Variants in FBXO10 observed in about 807,000 individuals in gnomAD.
FBXO10 encodes F-box protein 10.
A neutral mutation model predicts 80.7 loss-of-function variants in FBXO10; 39 were observed. That is an observed-to-expected ratio of 0.48 (90% confidence interval 0.37 to 0.63). The LOEUF is 0.63. FBXO10 is among the 30% of genes least tolerant of loss of function. FBXO10 has a pLI of 0.00. For synonymous variants in FBXO10, 449 were observed against 489.6 expected, an observed-to-expected ratio of 0.92 and a Z score of 1.09; for missense variants, 1,025 against 1,269.0, an observed-to-expected ratio of 0.81 and a Z score of 2.92.
Position 37,510,961 on chromosome 9 carries a change from T to G in FBXO10, c.*1586A>C, listed in dbSNP as rs1419797272. ...TTGTTACTGTTGGTTCACAGAAAAG[T>G]CATTTCTTAGAAAATAGTAACGGCA... On this transcript the variant is annotated 3_prime_UTR_variant, in exon 11 of 11. Transcript: ENST00000432825. 1 of 152,658 alleles carries G rather than the reference T, an allele frequency of 6.6e-6. No individual in the cohort carries two copies. Among genetic ancestry groups the G allele is most frequent in the Non-Finnish European group, 1.5e-5 (1 of 68,040 alleles). The allele number at this position is 152,658 out of a possible 1,614,324, so 9.5% of individuals were successfully genotyped here.
Position 37,537,672 on chromosome 9 carries a change from G to C in FBXO10, c.857C>G (p.Thr286Arg), listed in dbSNP as rs371960872. 9 of 1,613,926 alleles carry C rather than the reference G, an allele frequency of 5.6e-6. No homozygotes were observed. In the African/African-American group the frequency reaches 1.1e-4, roughly 19 times the overall value. The change falls in exon 3 of 11, where the codon ACA becomes AGA. Residue 286 changes from threonine to arginine, a missense_variant. Thr to Arg is a moderately conservative substitution (Grantham distance 71). Transcript: ENST00000432825. ...GGACATTAAAAAGTCAGAGTCCTCT[G>C]TGGGGAGAAAAGTGGGTGAGGACTT... is the stretch of plus-strand genomic sequence containing the variant. Reference protein sequence around the residue: ...LIKSSPTFLPTEDSDFLMSLD... With the variant: ...LIKSSPTFLPREDSDFLMSLD...
At chr9:37,544,466 C>T (rs925615528) in intron 1 of FBXO10, among the ~76,000 whole-genome samples, 1 of 152,140 alleles carries the variant, frequency 6.6e-6, no homozygotes, top group African/African-American at 2.4e-5. Context: ...AAACAACTGA[C>T]CTTCATCAAA....
In FBXO10 at chr9:37,537,862, C is replaced by T. The variant is rs1283120649; in HGVS notation, c.667G>A (p.Val223Met). The T allele has an allele frequency of 6.2e-7, 1 of 1,613,968 alleles. No homozygotes were observed. Among genetic ancestry groups the T allele is most frequent in the Non-Finnish European group, 8.5e-7 (1 of 1,179,888 alleles). The change falls in exon 3 of 11, where the codon GTG (valine) becomes ATG (methionine). Residue 223 changes from valine (V) to methionine (M), a missense_variant. Coordinates refer to ENST00000432825, the MANE Select transcript of FBXO10 (RefSeq NM_012166.3). Reference protein sequence around the residue: ...IQVHGPGTCQVKFCTFKNTHI... With the variant: ...IQVHGPGTCQMKFCTFKNTHI... Reference sequence around the variant, plus strand: ...GTGTTTTTGAAGGTACAGAACTTCACTTGGCAAGTACCCGGGCCATGGACC... The same window carrying T: ...GTGTTTTTGAAGGTACAGAACTTCATTTGGCAAGTACCCGGGCCATGGACC...
chr9:37,567,882 G>A (rs147721994), intron 1 of FBXO10, among the ~76,000 whole-genome samples: 20 of 152,236 alleles, frequency 1.3e-4, no homozygotes, highest in East Asian at 7.7e-4. Context: ...GGGGAACCCC[G>A]CTTCTACTCT....
chr9:37,529,766 T>C (rs1318025664), intron 4 of FBXO10, among the ~76,000 whole-genome samples: 1 of 151,688 alleles, frequency 6.6e-6, no homozygotes, highest in African/African-American at 2.4e-5. Flanking sequence ...ATGCAGACAC[T>C]GGGGGGCCAA....
At chr9:37,569,888 T>C (rs1396684301) in intron 1 of FBXO10, among the ~76,000 whole-genome samples, 1 of 152,176 alleles carries the variant, frequency 6.6e-6, no homozygotes, top group Non-Finnish European at 1.5e-5. Flanking sequence ...ACAGTCATAA[T>C]TAGTCATAAA....
chr9:37,535,089 C>G (rs552359455), intron 3 of FBXO10, among the ~76,000 whole-genome samples: 1 of 152,148 alleles, frequency 6.6e-6, no homozygotes, highest in Non-Finnish European at 1.5e-5. Context: ...AGATCTGAAG[C>G]GGAGAAAACT....
intron 1 of FBXO10, among the ~76,000 whole-genome samples, chr9:37,548,445 A>G (rs1240675971): frequency 6.6e-6 from 1 of 152,214 alleles, no homozygotes; most frequent in Admixed American, 6.5e-5. Context: ...CTCTGTGCAT[A>G]TCATTGCATG....
In FBXO10 at chr9:37,525,127, A is replaced by G; in HGVS notation, c.1752T>C (p.Asn584=). Residue 584 remains asparagine (N), a synonymous_variant, in exon 6 of 11, where the codon AAT becomes AAC. Transcript: ENST00000432825. ...CTGTGATGAGGCCTTTGCCGTTCTC[A>G]TTCACTGCTATGCCGGCAGCACGGC... ...FKGRAAGIAV[N]ENGKGLITEN... The G allele has an allele frequency of 6.4e-7, 1 of 1,564,594 alleles. No homozygotes were observed. Among genetic ancestry groups the G allele is most frequent in the Non-Finnish European group, 8.7e-7 (1 of 1,154,464 alleles).
intron 1 of FBXO10, among the ~76,000 whole-genome samples, chr9:37,566,264 A>G (rs768212230): frequency 6.6e-6 from 1 of 152,144 alleles, no homozygotes; most frequent in African/African-American, 2.4e-5. Flanking sequence ...AGAGGGCCAT[A>G]CTAGTATCAA....
chr9:37,550,228 G>A (rs1163057182), intron 1 of FBXO10, among the ~76,000 whole-genome samples: 1 of 122,210 alleles, frequency 8.2e-6, no homozygotes, highest in African/African-American at 3.2e-5. Flanking sequence ...TGTTGCTCAG[G>A]CTGGAGTGTA....
Position 37,521,801 on chromosome 9 carries a change from G to T in FBXO10, c.1968C>A (p.Ser656Arg). 6.2e-7 allele frequency: 1 copy of T among 1,603,994 alleles called. No homozygotes were observed. ...KGCGVWMMSS[S>R]LPHVTSNHVS... The stretch of plus-strand genomic sequence containing the variant: ...CGTGGTTGCTGGTGACATGGGGGAG[G>T]CTGGACGACATCATCCACACACCAC... Residue 656 changes from serine to arginine, a missense_variant, in exon 8 of 11, where the codon AGC (serine) becomes AGA (arginine). Coordinates refer to ENST00000432825, the MANE Select transcript of FBXO10 (RefSeq NM_012166.3).
chr9:37,566,550 C>T (rs1301873976), intron 1 of FBXO10, among the ~76,000 whole-genome samples: 1 of 151,716 alleles, frequency 6.6e-6, no homozygotes, highest in Non-Finnish European at 1.5e-5. Flanking sequence ...TCTCTTCCAA[C>T]ATTATGAGGC....
At chr9:37,516,463 G>T (rs111623554) in intron 9 of FBXO10, among the ~76,000 whole-genome samples, 33 of 152,170 alleles carry the variant, frequency 2.2e-4, no homozygotes, top group African/African-American at 7.7e-4. Flanking sequence ...CAGAGGCAAA[G>T]CCCCAGCATT....
In FBXO10 at chr9:37,541,203, A is replaced by T; in HGVS notation, c.566T>A (p.Phe189Tyr). 6.2e-7 allele frequency: 1 copy of T among 1,605,962 alleles called. No homozygotes were observed. The highest frequency in any genetic ancestry group is 8.5e-7 in the Non-Finnish European group (1 of 1,175,972). Residue 189 changes from phenylalanine to tyrosine, a missense_variant, in exon 2 of 11, where the codon TTC (phenylalanine) becomes TAC (tyrosine). Around this residue, in one of 3 missense-constraint regions of FBXO10, gnomAD observed 450 missense variants for 499.4 expected, o/e 0.90. Transcript: ENST00000432825. Reference protein sequence around the residue: ...LCNLVFTPAWFSPIMYKTTSG... With the variant: ...LCNLVFTPAWYSPIMYKTTSG... ...ACCCACCTTATACATGATGGGTGAG[A>T]ACCAGGCTGGCGTGAAGACGAGGTT...
rs1256545563 is a variant in FBXO10 at position 37,511,991 on chromosome 9, GTCCT to G, written c.*552_*555del. 5 of 152,716 alleles carry G rather than the reference GTCCT, an allele frequency of 3.3e-5. No homozygotes were observed. The highest frequency in any genetic ancestry group is 2.1e-4 in the South Asian group (1 of 4,822). The allele number at this position is 152,716 out of a possible 1,614,324, so 9.5% of individuals were successfully genotyped here. On this transcript the variant is annotated 3_prime_UTR_variant, in exon 11 of 11. Transcript: ENST00000432825. ...CCATGGGGTCTCCTGTTGCTCCCAGGTCCTTCCTTCCTCCCAGGTCCATGTCCAA... is the reference window on the plus strand; with the variant it reads ...CCATGGGGTCTCCTGTTGCTCCCAGGTCCTTCCTCCCAGGTCCATGTCCAA...
intron 1 of FBXO10, among the ~76,000 whole-genome samples, chr9:37,542,011 T>C (rs973479524): frequency 2.3e-4 from 35 of 152,038 alleles, no homozygotes; most frequent in Admixed American, 6.5e-4. Context: ...GTATTTTTAG[T>C]AGAGACCAGG....
chr9:37,537,876 G>A lies in FBXO10; in HGVS notation c.653C>T (p.Pro218Leu), dbSNP rs370211193. The A allele has an allele frequency of 3.9e-5, 63 of 1,613,958 alleles. 1 individual carries two copies. Among genetic ancestry groups the A allele is most frequent in the South Asian group, 1.6e-4 (15 of 91,090 alleles). Residue 218 changes from proline (P) to leucine (L), a missense_variant, in exon 3 of 11, where the codon CCG becomes CTG. Physicochemically the swap from Pro to Leu is moderately conservative, Grantham distance 98. Transcript: ENST00000432825. ...FENGHIQVHG[P>L]GTCQVKFCTF... ...ACAGAACTTCACTTGGCAAGTACCC[G>A]GGCCATGGACCTGGATGTGCCCGTT... is the stretch of plus-strand genomic sequence containing the variant.
chr9:37,562,398 T>G (rs915719015), intron 1 of FBXO10, among the ~76,000 whole-genome samples: 15 of 152,256 alleles, frequency 9.9e-5, no homozygotes, highest in African/African-American at 3.6e-4. Flanking sequence ...ACACAGGAAG[T>G]GCTGAGTTAT....
Sources: gnomAD v4.1 joint callset for allele counts (sites outside exome capture counted in the v4.1 genomes callset) on GRCh38, gnomAD v4.1.1 for gene constraint, gnomAD v4.1.1 regional missense constraint, MANE v1.5 for transcripts, NCBI Gene and HGNC (gene_info 2026-07-23, HGNC 2026-07-21) for gene names.